CLDN16: variants seen among roughly 807,000 people sequenced by gnomAD.
The protein encoded by CLDN16 is claudin-16.
A neutral mutation model predicts 24.6 loss-of-function variants in CLDN16; 13 were observed. The observed-to-expected ratio is 0.53, with a 90% CI of 0.34 to 0.84. CLDN16 has a LOEUF of 0.84. Ranked by LOEUF, CLDN16 falls within the 40% of genes least tolerant of loss-of-function variation. The probability of loss-of-function intolerance (pLI) is 0.01; values close to 1 mark genes in which losing one functional copy is unlikely to be tolerated. For synonymous variants in CLDN16, 116 were observed against 106.7 expected, an observed-to-expected ratio of 1.09 and a Z score of -0.54; for missense variants, 298 against 292.7, an observed-to-expected ratio of 1.02 and a Z score of -0.13.
At chr3:190,323,027 C>CACACACACACACACACACACACAG (rs1219134741) in intron 1 of CLDN16, among the ~76,000 whole-genome samples, 3 of 149,848 alleles carry the variant, frequency 2.0e-5, no homozygotes, top group East Asian at 4.0e-4. Flanking sequence ...CACACACACA[C>CACACACACACACACACACACACAG]AGACACACTC....
At chr3:190,334,868 A>C (rs1037623692) in intron 1 of CLDN16, among the ~76,000 whole-genome samples, 4 of 152,192 alleles carry the variant, frequency 2.6e-5, no homozygotes, top group African/African-American at 9.7e-5. Flanking sequence ...TGGTTGACCT[A>C]TGCAATGGTG....
chr3:190,364,084 A>G (rs1403600247), intron 1 of CLDN16, among the ~76,000 whole-genome samples: 1 of 151,692 alleles, frequency 6.6e-6, no homozygotes, highest in Non-Finnish European at 1.5e-5. Context: ...GGATTGCACT[A>G]TAAATTAAGC....
upstream of CLDN16, among the ~76,000 whole-genome samples, chr3:190,386,825 A>T (rs911927900): frequency 1.1e-4 from 17 of 152,230 alleles, no homozygotes; most frequent in Admixed American, 1.1e-3. Context: ...GAATAAAATG[A>T]ATTAAAATTA....
the CLDN16 span, among the ~76,000 whole-genome samples, chr3:190,305,328 C>T: frequency 6.6e-6 from 1 of 152,138 alleles, no homozygotes; most frequent in African/African-American, 2.4e-5. Context: ...ATTACAGAAA[C>T]AATAATGGGT....
At chr3:190,323,293 A>G (rs779664989) in intron 1 of CLDN16, among the ~76,000 whole-genome samples, 7 of 152,104 alleles carry the variant, frequency 4.6e-5, no homozygotes, top group Non-Finnish European at 7.4e-5. Flanking sequence ...TAATTTTGTG[A>G]GTTATCAAAT....
chr3:190,303,481 T>TG, the CLDN16 span, among the ~76,000 whole-genome samples: 4 of 152,182 alleles, frequency 2.6e-5, no homozygotes, highest in African/African-American at 9.7e-5. Context: ...TAAATTGGTG[T>TG]GTGGGGGGGT....
At chr3:190,304,589 A>C in the CLDN16 span, among the ~76,000 whole-genome samples, 1 of 152,124 alleles carries the variant, frequency 6.6e-6, no homozygotes, top group South Asian at 2.1e-4. Flanking sequence ...AGGACTCAAC[A>C]AGCCATCCCC....
At chr3:190,294,599 T>G in the CLDN16 span, among the ~76,000 whole-genome samples, 786 of 152,242 alleles carry the variant, frequency 5.2e-3, 8 homozygotes, top group African/African-American at 0.018. Flanking sequence ...AAATAAACTT[T>G]CTTTAAAAGT....
chr3:190,346,087 G>T (rs76552233), intron 1 of CLDN16, among the ~76,000 whole-genome samples: 7,167 of 152,000 alleles, frequency 0.047, 566 homozygotes, highest in African/African-American at 0.16. Context: ...GCGTCCTATG[G>T]CACGTAAGAC....
chr3:190,388,115 G>C, upstream of CLDN16: 2 of 1,613,598 alleles, frequency 1.2e-6, no homozygotes, highest in Non-Finnish European at 1.7e-6. Flanking sequence ...TGGTTGCTTC[G>C]GATAATGACC....
At chr3:190,304,850 A>G in the CLDN16 span, among the ~76,000 whole-genome samples, 2 of 152,176 alleles carry the variant, frequency 1.3e-5, no homozygotes, top group Non-Finnish European at 2.9e-5. Flanking sequence ...ATCTGGGCAA[A>G]TATAGAAAGT....
At chr3:190,408,574 A>G (rs1290958060) in intron 4 of CLDN16, 69 bp downstream of exon 4, 1 of 1,409,872 alleles carries the variant, frequency 7.1e-7, no homozygotes, top group African/African-American at 1.4e-5. Context: ...GTGGAAACAA[A>G]TTTCAAAAGG....
chr3:190,402,390 TG>T lies in CLDN16; in HGVS notation c.171del (p.Ile58PhefsTer16). On this transcript the variant is annotated frameshift_variant, in exon 2 of 5. Transcript: ENST00000264734. LOFTEE classifies it high-confidence loss of function. Reference sequence around the variant, plus strand: ...GGGAATGCGTCACAAATGCTTTTGATGGGATTCGCACCTGTGATGAGTACGA... The same window carrying T: ...GGGAATGCGTCACAAATGCTTTTGATGGATTCGCACCTGTGATGAGTACGA... ...WWECVTNAFDGIRTCDEYDSI... is the reference protein window; with the variant it reads ...WWECVTNAFDXIRTCDEYDSI... The T allele has an allele frequency of 6.2e-7, 1 of 1,614,102 alleles. No homozygotes were observed. The highest frequency in any genetic ancestry group is 8.5e-7 in the Non-Finnish European group (1 of 1,180,022).
At chr3:190,401,988 C>T (rs1462181318) in intron 1 of CLDN16, among the ~76,000 whole-genome samples, 1 of 151,942 alleles carries the variant, frequency 6.6e-6, no homozygotes, top group Non-Finnish European at 1.5e-5. Flanking sequence ...TAAATGTCAG[C>T]ACAGTGACAT....
upstream of CLDN16, chr3:190,322,423 G>A (rs1716954791): frequency 1.7e-6 from 1 of 589,808 alleles, no homozygotes; most frequent in Non-Finnish European, 3.0e-6. Flanking sequence ...AGCTGCGGTT[G>A]CTCCCAGGCT....
upstream of CLDN16, among the ~76,000 whole-genome samples, chr3:190,386,376 C>G (rs1281872538): frequency 6.6e-6 from 1 of 152,140 alleles, no homozygotes; most frequent in Admixed American, 6.5e-5. Flanking sequence ...GTAATCACCC[C>G]TTCTCCTTGA....
chr3:190,371,244 ATTAG>A (rs1177229036), intron 2 of CLDN16, among the ~76,000 whole-genome samples: 1 of 151,366 alleles, frequency 6.6e-6, no homozygotes, highest in African/African-American at 2.4e-5. Flanking sequence ...TATTTAATCT[ATTAG>A]TTCTGTCCCT....
At chr3:190,407,536 C>T (rs1052279390) in intron 3 of CLDN16, among the ~76,000 whole-genome samples, 21 of 152,134 alleles carry the variant, frequency 1.4e-4, no homozygotes, top group Non-Finnish European at 2.1e-4. Context: ...AGTGTTTTGT[C>T]CTCCAACTCA....
intron 1 of CLDN16, among the ~76,000 whole-genome samples, chr3:190,334,150 T>A (rs1318695011): frequency 6.6e-6 from 1 of 152,160 alleles, no homozygotes; most frequent in Non-Finnish European, 1.5e-5. Context: ...TAATTAAAAA[T>A]CTATTTGAGA....
Sources: gnomAD v4.1 joint callset for allele counts (sites outside exome capture counted in the v4.1 genomes callset) on GRCh38, gnomAD v4.1.1 for gene constraint, MANE v1.5 for transcripts, NCBI Gene and HGNC (gene_info 2026-07-23, HGNC 2026-07-21) for gene names.